CHAF1A: variants seen among roughly 807,000 people sequenced by gnomAD.
CHAF1A encodes chromatin assembly factor 1 subunit A, also known as CAF-1 subunit A.
Under a neutral mutation model 93.2 loss-of-function variants are expected in CHAF1A, and 5 were observed. The ratio of observed to expected loss-of-function variants is 0.05; its 90% CI spans 0.03 to 0.11. The LOEUF is 0.11. Ranked by LOEUF, CHAF1A falls within the 10% of genes least tolerant of loss-of-function variation. The pLI, the probability that CHAF1A is intolerant of heterozygous loss-of-function variation, is 1.00. For missense variants in CHAF1A, 1,102 were observed against 1,259.9 expected (o/e 0.87, Z 1.90); for synonymous variants, 504 against 510.3 (o/e 0.99, Z 0.17).
At position 4,443,307 on chromosome 19, in the gene CHAF1A, A is replaced by G. The variant is rs1273291171; in HGVS notation, c.*282A>G. ...CAGGCGTGGAATCCAATACTTGTAA[A>G]TGAATTGAAGCGTCAGGACCACCCG... On this transcript the variant is annotated 3_prime_UTR_variant, in exon 15 of 15. Transcript: ENST00000301280. 2.4e-6 allele frequency: 1 copy of G among 418,764 alleles called. No individual in the cohort carries two copies. The highest frequency in any genetic ancestry group is 4.4e-6 in the Non-Finnish European group (1 of 225,422). The allele number at this position is 418,764 out of a possible 1,614,324, so 25.9% of individuals were successfully genotyped here. A position where few individuals can be genotyped will look rare whatever the true frequency, so the allele number is the denominator to read the frequency against.
rs147636666 is a variant in CHAF1A, at chr19:4,405,265, A to G, written c.53-647A>G. On this transcript the variant is annotated intron_variant, in intron 1 of 14. Transcript: ENST00000301280. ...GAGACGTAATAAACACGAAAGTTTC[A>G]GATTAAATGCCACAAAGAAAATAAA... Among the ~76,000 whole-genome samples, 14 of 152,306 alleles carry G rather than the reference A, an allele frequency of 9.2e-5. No individual in the cohort carries two copies. The East Asian group carries it at 2.7e-3, about 29-fold the overall frequency.
rs1974138506 is a variant in CHAF1A, at chr19:4,429,281, A to G, written c.1605-157A>G. On this transcript the variant is annotated intron_variant, in intron 8 of 14. Transcript: ENST00000301280. ...CCTCCTCCATCTGTCCCTTCAGTCC[A>G]TGTTCCTGACCTTTCTTTGGGGACA... The G allele has an allele frequency of 1.2e-5, 10 of 831,744 alleles. No individual in the cohort carries two copies. In the South Asian group the frequency reaches 1.6e-4, roughly 13 times the overall value. 51.5% of individuals were successfully genotyped at this position (831,744 alleles called of 1,614,324 possible).
At chr19:4,409,882 G>C in intron 3 of CHAF1A, 123 bp downstream of exon 3, 6 of 1,107,702 alleles carry the variant, frequency 5.4e-6, no homozygotes, top group Non-Finnish European at 7.6e-6. Flanking sequence ...TGGGTCCTGG[G>C]ACTCGACGTG....
chr19:4,446,441 C>T (rs772883974), downstream of CHAF1A: 14 of 1,579,034 alleles, frequency 8.9e-6, no homozygotes, highest in East Asian at 2.5e-4. Flanking sequence ...GTCACGAGGG[C>T]TGGCCGGGGT....
downstream of CHAF1A, chr19:4,448,283 A>G: frequency 6.4e-7 from 1 of 1,553,414 alleles, no homozygotes; most frequent in South Asian, 1.2e-5. Context: ...GATGAGCTGG[A>G]GGGGCCAGGC....
At chr19:4,448,694 G>A (rs1239774170), downstream of CHAF1A, 10 of 480,580 alleles carry the variant, frequency 2.1e-5, no homozygotes, top group East Asian at 3.8e-5. Context: ...AGTGTGACGC[G>A]ACAGAACTGT....
At position 4,442,915 on chromosome 19, in the gene CHAF1A, T is replaced by C. The variant is rs774989321; in HGVS notation, c.2771-10T>C. On this transcript the variant is annotated splice_polypyrimidine_tract_variant and intron_variant, in intron 14 of 14. Coordinates refer to ENST00000301280, the MANE Select transcript of CHAF1A (RefSeq NM_005483.3). Reference sequence around the variant, plus strand: ...AGCCAGCTCAAGACCCTCCCTCTCTTGCCCTGCAGAGGTCCAAGCCCCGTG... The same window carrying C: ...AGCCAGCTCAAGACCCTCCCTCTCTCGCCCTGCAGAGGTCCAAGCCCCGTG... 6 of 1,566,172 alleles carry C rather than the reference T, an allele frequency of 3.8e-6. No homozygotes were observed. The highest frequency in any genetic ancestry group is 5.2e-6 in the Non-Finnish European group (6 of 1,157,774).
intron 5 of CHAF1A, 127 bp from the exon 6 acceptor site, chr19:4,423,208 A>C: frequency 7.3e-7 from 1 of 1,370,106 alleles, no homozygotes; most frequent in Non-Finnish European, 9.8e-7. Context: ...CTTATACTAG[A>C]CATGAAAATA....
intron 7 of CHAF1A, among the ~76,000 whole-genome samples, chr19:4,428,285 C>G (rs1974120529): frequency 6.8e-6 from 1 of 147,534 alleles, no homozygotes; most frequent in African/African-American, 2.5e-5. Context: ...AGCCACTGCC[C>G]CCGGCCTTTT....
intron 3 of CHAF1A, among the ~76,000 whole-genome samples, chr19:4,414,278 G>A (rs1389194258): frequency 6.6e-6 from 1 of 151,844 alleles, no homozygotes; most frequent in Non-Finnish European, 1.5e-5. Flanking sequence ...GTGCACACCT[G>A]TAGTCCCAGC....
intron 7 of CHAF1A, among the ~76,000 whole-genome samples, 186 bp from the exon 8 acceptor site, chr19:4,428,478 G>C (rs1022125506): frequency 2.1e-4 from 32 of 152,116 alleles, no homozygotes; most frequent in African/African-American, 7.7e-4. Context: ...CCTTGAGACT[G>C]CCAATCTGCC....
At chr19:4,442,814 G>C in intron 14 of CHAF1A, 111 bp from the exon 15 acceptor site, 1 of 736,208 alleles carries the variant, frequency 1.4e-6, no homozygotes, top group East Asian at 2.7e-5. Context: ...GTCAGGTGGA[G>C]GGTCCCGCCC....
Position 4,443,079 on chromosome 19 carries a change from A to T in CHAF1A, c.*54A>T. 1.8e-6 allele frequency: 2 copies of T among 1,121,084 alleles called. No individual in the cohort carries two copies. Among genetic ancestry groups the T allele is most frequent in the Non-Finnish European group, 2.7e-6 (2 of 752,822 alleles). The allele number at this position is 1,121,084 out of a possible 1,614,324, so 69.4% of individuals were successfully genotyped here. A position where few individuals can be genotyped will look rare whatever the true frequency, so the allele number is the denominator to read the frequency against. On this transcript the variant is annotated 3_prime_UTR_variant, in exon 15 of 15. Transcript: ENST00000301280. Reference sequence around the variant, plus strand: ...AGGGTGTCCTCCCCACAGAGCAGATACTTGAACCGACTCAATTCCTGTGTA... The same window carrying T: ...AGGGTGTCCTCCCCACAGAGCAGATTCTTGAACCGACTCAATTCCTGTGTA...
intron 2 of CHAF1A, among the ~76,000 whole-genome samples, chr19:4,407,475 C>A (rs1209321019): frequency 4.0e-5 from 6 of 150,562 alleles, no homozygotes; most frequent in African/African-American, 1.2e-4. Flanking sequence ...AAAAAAAAAA[C>A]CCTGTCCACA....
downstream of CHAF1A, chr19:4,445,698 T>C: frequency 6.4e-7 from 1 of 1,566,778 alleles, no homozygotes; most frequent in Non-Finnish European, 8.6e-7. Context: ...GCGGGCAACC[T>C]GGGCGCGGGG....
At chr19:4,427,040 G>A (rs1012585488) in intron 7 of CHAF1A, among the ~76,000 whole-genome samples, 4 of 146,214 alleles carry the variant, frequency 2.7e-5, no homozygotes, top group South Asian at 2.3e-4. Flanking sequence ...GCAGTGAGCC[G>A]AGATTGCACC....
At chr19:4,435,830 T>TAC (rs1204137992) in intron 13 of CHAF1A, among the ~76,000 whole-genome samples, 2 of 152,206 alleles carry the variant, frequency 1.3e-5, no homozygotes, top group Non-Finnish European at 2.9e-5. Flanking sequence ...GCTTGCATCC[T>TAC]CTTCTCTGAT....
At position 4,416,720 on chromosome 19, in the gene CHAF1A, A is replaced by G. The variant is rs148474436; in HGVS notation, c.961-1300A>G. Among the ~76,000 whole-genome samples, 635 of 152,068 alleles carry G rather than the reference A, an allele frequency of 4.2e-3. 1 individual carries two copies. Among genetic ancestry groups the G allele is most frequent in the Middle Eastern group, 0.014 (4 of 294 alleles). ...GCCTGGCCAACATGATGAAACCCCTATCTCCACTAAAAATACAAAAATTAG... is the reference window on the plus strand; with the variant it reads ...GCCTGGCCAACATGATGAAACCCCTGTCTCCACTAAAAATACAAAAATTAG... On this transcript the variant is annotated intron_variant, in intron 3 of 14. Transcript: ENST00000301280.
chr19:4,423,740 A>G (rs988048088), intron 6 of CHAF1A, 66 bp from the exon 7 acceptor site: 29 of 1,490,850 alleles, frequency 1.9e-5, no homozygotes, highest in South Asian at 1.1e-5. Context: ...GGGCCTTTGC[A>G]TGTTTTGCAA....
Sources: gnomAD v4.1 joint callset for allele counts (sites outside exome capture counted in the v4.1 genomes callset) on GRCh38, gnomAD v4.1.1 for gene constraint, MANE v1.5 for transcripts, NCBI Gene and HGNC (gene_info 2026-07-23, HGNC 2026-07-21) for gene names.